The following CELSR1 variants were observed in gnomAD, a reference collection of about 807,000 sequenced individuals.
CELSR1 encodes cadherin EGF LAG seven-pass G-type receptor 1, also known as adhesion G protein-coupled receptor C1.
A neutral mutation model predicts 249.1 loss-of-function variants in CELSR1; 110 were observed. That is an observed-to-expected ratio of 0.44 (90% confidence interval 0.38 to 0.52). The LOEUF (loss-of-function observed/expected upper bound fraction) is 0.52. CELSR1 is among the 20% of genes least tolerant of loss of function. The pLI is 0.00. For synonymous variants in CELSR1, 2,113 were observed against 1,900.0 expected, an observed-to-expected ratio of 1.11 and a Z score of -2.92; for missense variants, 4,109 against 4,296.4, an observed-to-expected ratio of 0.96 and a Z score of 1.22.
chr22:46,462,645 C>CAAAAA, intron 2 of CELSR1: 1 of 163,982 alleles, frequency 6.1e-6, no homozygotes, highest in South Asian at 9.2e-5. Flanking sequence ...AGAGAGCTTT[C>CAAAAA]AAAAAAAAAA....
intron 1 of CELSR1, among the ~76,000 whole-genome samples, chr22:46,520,795 C>A (rs1272176104): frequency 1.3e-5 from 2 of 152,070 alleles, no homozygotes; most frequent in Non-Finnish European, 2.9e-5. Flanking sequence ...GCATGAAGTA[C>A]CTTTACACTG....
rs947704707 is a variant in CELSR1, at chr22:46,362,042, G to C, written c.*1181C>G. ...GAAGTAATTGGTCAGACTCCAGAGG[G>C]GAGAACCCTGCCTGGAGATCCTCGC... On this transcript the variant is annotated 3_prime_UTR_variant, in exon 35 of 35. Coordinates refer to ENST00000674500, the MANE Select transcript of CELSR1 (RefSeq NM_001378328.1). 6.6e-6 allele frequency: 1 copy of C among 152,236 alleles called. No homozygotes were observed. The highest frequency in any genetic ancestry group is 1.5e-5 in the Non-Finnish European group (1 of 68,046). 9.4% of individuals were successfully genotyped at this position (152,236 alleles called of 1,614,324 possible). A position where few individuals can be genotyped will look rare whatever the true frequency, so the allele number is the denominator to read the frequency against.
chr22:46,421,755 C>T (rs1013757178), intron 5 of CELSR1, among the ~76,000 whole-genome samples: 1 of 152,234 alleles, frequency 6.6e-6, no homozygotes, highest in African/African-American at 2.4e-5. Context: ...CAGTGGCCGC[C>T]GACTTCACCA....
chr22:46,366,891 G>A (rs539576272), intron 29 of CELSR1, 102 bp downstream of exon 29: 5 of 1,447,102 alleles, frequency 3.5e-6, no homozygotes, highest in South Asian at 2.7e-5. Context: ...CACCGTGAGG[G>A]GCATACGGGC....
chr22:46,385,578 G>A (rs776783751), intron 19 of CELSR1, among the ~76,000 whole-genome samples: 1 of 152,094 alleles, frequency 6.6e-6, no homozygotes, highest in East Asian at 1.9e-4. Context: ...TCCCTAGCCC[G>A]GGACCTGTCC....
At position 46,409,859 on chromosome 22, in the gene CELSR1, A is replaced by G. The variant is rs1301190588; in HGVS notation, c.4955T>C (p.Phe1652Ser). Residue 1652 changes from phenylalanine (F) to serine (S), a missense_variant, in exon 8 of 35, where the codon TTC (phenylalanine) becomes TCC (serine). Phe to Ser is a radical substitution (Grantham distance 155). Coordinates refer to ENST00000674500, the MANE Select transcript of CELSR1 (RefSeq NM_001378328.1). The surrounding 1 kb of genome is among the most constrained non-coding windows in gnomAD (Gnocchi z 9.8). ...ATTCTGACACCGCCTCCCATCGCAG[A>G]AGTTCCTCCGAGCAGCGCAGCCTGG... ...TREGCAARRN[F>S]CDGRRCQNGG... 6.2e-6 allele frequency: 10 copies of G among 1,613,616 alleles called. No individual in the cohort carries two copies. The highest frequency in any genetic ancestry group is 7.6e-6 in the Non-Finnish European group (9 of 1,179,982).
intron 1 of CELSR1, among the ~76,000 whole-genome samples, chr22:46,477,476 C>CA (rs2080221055): frequency 6.6e-6 from 1 of 151,592 alleles, no homozygotes; most frequent in South Asian, 2.1e-4. Flanking sequence ...GCTGAGTGGC[C>CA]AACGAGCCTG....
chr22:46,409,247 C>T lies in CELSR1; in HGVS notation c.5060-85G>A. 1 of 1,427,840 alleles carries T rather than the reference C, an allele frequency of 7.0e-7. No homozygotes were observed. Among genetic ancestry groups the T allele is most frequent in the Non-Finnish European group, 9.6e-7 (1 of 1,040,274 alleles). 88.4% of individuals were successfully genotyped at this position (1,427,840 alleles called of 1,614,324 possible). A position where few individuals can be genotyped will look rare whatever the true frequency, so the allele number is the denominator to read the frequency against. On this transcript the variant is annotated intron_variant, in intron 8 of 34. Coordinates refer to ENST00000674500, the MANE Select transcript of CELSR1 (RefSeq NM_001378328.1). The surrounding 1 kb of genome is among the most constrained non-coding windows in gnomAD (Gnocchi z 9.8). ...GCTGCAGGGGCGGGGGATGGGCCTGCAGGCTAGGCCTGGGCCTTTTTCACT... is the reference window on the plus strand; with the variant it reads ...GCTGCAGGGGCGGGGGATGGGCCTGTAGGCTAGGCCTGGGCCTTTTTCACT...
intron 2 of CELSR1, among the ~76,000 whole-genome samples, chr22:46,460,426 C>T (rs1041522049): frequency 4.6e-5 from 7 of 151,880 alleles, no homozygotes; most frequent in Admixed American, 4.6e-4. Flanking sequence ...TGAGGGAGGC[C>T]CATGATGGGC....
At position 46,412,805 on chromosome 22, in the gene CELSR1, C is replaced by T. The variant is rs1470300039; in HGVS notation, c.4612-1046G>A. ...CAAAGTTCCAGAAACACAGTTGGTG[C>T]CAGCTCCAACCGGGACAGGCAACAG... On this transcript the variant is annotated intron_variant, in intron 5 of 34. Coordinates refer to ENST00000674500, the MANE Select transcript of CELSR1 (RefSeq NM_001378328.1). The surrounding 1 kb of genome is among the most constrained non-coding windows in gnomAD (Gnocchi z 4.5). Among the ~76,000 whole-genome samples, 1 of 152,230 alleles carries T rather than the reference C, an allele frequency of 6.6e-6. No individual in the cohort carries two copies. Among genetic ancestry groups the T allele is most frequent in the African/African-American group, 2.4e-5 (1 of 41,454 alleles).
Position 46,527,867 on chromosome 22 carries a change from G to A in CELSR1, c.3544+5760C>T, listed in dbSNP as rs979244914. ...TCCCAGCATTTTGGGAGGCTGAGGC[G>A]GGCGGATAGCCTGAGGTCAGGAGTT... On this transcript the variant is annotated intron_variant, in intron 1 of 34. Coordinates refer to ENST00000674500, the MANE Select transcript of CELSR1 (RefSeq NM_001378328.1). The surrounding 1 kb of genome is among the most constrained non-coding windows in gnomAD (Gnocchi z 5.5). Among the ~76,000 whole-genome samples, 10 of 152,144 alleles carry A rather than the reference G, an allele frequency of 6.6e-5. No homozygotes were observed. The highest frequency in any genetic ancestry group is 2.6e-4 in the Admixed American group (4 of 15,274).
Position 46,536,605 on chromosome 22 carries a change from C to G in CELSR1, c.566G>C (p.Arg189Pro). Reference protein sequence around the residue: ...VRLRLLCALRRAAGAVRVGLA... With the variant: ...VRLRLLCALRPAAGAVRVGLA... ...TCCCACCCGGACGGCGCCAGCCGCG[C>G]GCCGCAGGGCGCACAGCAGACGCAG... The change falls in exon 1 of 35, where the codon CGC (arginine) becomes CCC (proline). Residue 189 changes from arginine (R) to proline (P), a missense_variant. By Grantham distance (103) the Arg-to-Pro change is moderately radical. This residue lies in a region of CELSR1 where 673 missense variants were observed against 636.8 expected (regional missense o/e 1.06). Coordinates refer to ENST00000674500, the MANE Select transcript of CELSR1 (RefSeq NM_001378328.1). The G allele has an allele frequency of 8.5e-7, 1 of 1,179,142 alleles. No individual in the cohort carries two copies. The highest frequency in any genetic ancestry group is 1.0e-6 in the Non-Finnish European group (1 of 956,660). 73.0% of individuals were successfully genotyped at this position (1,179,142 alleles called of 1,614,324 possible). A position where few individuals can be genotyped will look rare whatever the true frequency, so the allele number is the denominator to read the frequency against.
intron 1 of CELSR1, among the ~76,000 whole-genome samples, chr22:46,465,560 G>A (rs908752874): frequency 3.9e-5 from 6 of 152,174 alleles, no homozygotes; most frequent in Admixed American, 2.0e-4. Context: ...CCCCGAGCCC[G>A]GCAACACACC....
chr22:46,505,252 ACT>A (rs1811450035), intron 1 of CELSR1, among the ~76,000 whole-genome samples: 1 of 78,758 alleles, frequency 1.3e-5, no homozygotes, highest in Non-Finnish European at 2.2e-5. Context: ...ACAGAGCAAG[ACT>A]CTGTCTCAAA....
chr22:46,388,946 G>A (rs1487855286), intron 18 of CELSR1, among the ~76,000 whole-genome samples: 1 of 152,210 alleles, frequency 6.6e-6, no homozygotes, highest in Non-Finnish European at 1.5e-5. Context: ...CCTGTCAAAT[G>A]GGTGGACGAT....
In CELSR1 at chr22:46,411,813, A is replaced by G; in HGVS notation, c.4612-54T>C. On this transcript the variant is annotated intron_variant, in intron 5 of 34. Transcript: ENST00000674500. The surrounding 1 kb of genome is among the most constrained non-coding windows in gnomAD (Gnocchi z 4.2). ...CAGCGTTTTCTCCACCAGTGCCCTC[A>G]GCAGGCGCACCTGTCACTCATAGAG... The G allele has an allele frequency of 6.2e-7, 1 of 1,606,954 alleles. No individual in the cohort carries two copies. Among genetic ancestry groups the G allele is most frequent in the South Asian group, 1.1e-5 (1 of 90,894 alleles).
At position 46,536,893 on chromosome 22, in the gene CELSR1, AC is replaced by A; in HGVS notation, c.277del (p.Val93TrpfsTer9). On this transcript the variant is annotated frameshift_variant, in exon 1 of 35. Transcript: ENST00000674500. LOFTEE classifies it high-confidence loss of function. ...GRPLPLQVRL[V>X]ARSAPTALSR... Reference sequence around the variant, plus strand: ...CAGCGCCGTCGGGGCACTGCGGGCCACCAAGCGGACTTGCAGCGGCAGCGGG... The same window carrying A: ...CAGCGCCGTCGGGGCACTGCGGGCCACAAGCGGACTTGCAGCGGCAGCGGG... 8.2e-7 allele frequency: 1 copy of A among 1,221,274 alleles called. No individual in the cohort carries two copies. The highest frequency in any genetic ancestry group is 1.0e-6 in the Non-Finnish European group (1 of 976,722). The allele number at this position is 1,221,274 out of a possible 1,614,324, so 75.7% of individuals were successfully genotyped here. A position where few individuals can be genotyped will look rare whatever the true frequency, so the allele number is the denominator to read the frequency against.
chr22:46,455,316 G>C (rs188004147), intron 2 of CELSR1, among the ~76,000 whole-genome samples: 28 of 152,206 alleles, frequency 1.8e-4, no homozygotes, highest in African/African-American at 6.0e-4. Flanking sequence ...TGTAACCTCC[G>C]CCTCCCAGGT....
intron 1 of CELSR1, among the ~76,000 whole-genome samples, chr22:46,486,190 C>T (rs1409024357): frequency 2.0e-5 from 3 of 151,384 alleles, no homozygotes; most frequent in Non-Finnish European, 4.4e-5. Flanking sequence ...CCGCCAGCCT[C>T]GGCCTCCCAA....
Sources: allele counts gnomAD v4.1 joint callset (sites outside exome capture counted in the v4.1 genomes callset), GRCh38; gene constraint gnomAD v4.1.1; regional missense constraint gnomAD v4.1.1; non-coding constraint Gnocchi (gnomAD v3.1); transcripts MANE v1.5; gene names NCBI Gene and HGNC (gene_info 2026-07-23, HGNC 2026-07-21).